LINGO2: variants seen among roughly 807,000 people sequenced by gnomAD.
LINGO2 encodes the protein leucine-rich repeat and immunoglobulin-like domain-containing nogo receptor-interacting protein 2.
A neutral mutation model predicts 30.6 loss-of-function variants in LINGO2; 14 were observed. That is an observed-to-expected ratio of 0.46 (90% CI 0.30 to 0.72). The LOEUF (loss-of-function observed/expected upper bound fraction) is 0.72. Among genes scored for constraint, LINGO2 ranks in the 30% least tolerant of loss-of-function variants. LINGO2 has a pLI of 0.07. For missense variants in LINGO2, 729 were observed against 751.7 expected, an observed-to-expected ratio of 0.97 and a Z score of 0.35; for synonymous variants, 317 against 288.5, an observed-to-expected ratio of 1.10 and a Z score of -1.00.
chr9:28,547,569 A>C (rs910912789), intron 1 of LINGO2, among the ~76,000 whole-genome samples: 1 of 152,146 alleles, frequency 6.6e-6, no homozygotes, highest in Non-Finnish European at 1.5e-5. Context: ...TTTCGAAAGG[A>C]ACATATGTTA....
intron 4 of LINGO2, among the ~76,000 whole-genome samples, chr9:28,018,804 CAG>C (rs1192251891): frequency 1.3e-5 from 2 of 152,082 alleles, no homozygotes; most frequent in South Asian, 2.1e-4. Flanking sequence ...GAGCTTAAAA[CAG>C]AATTACCATT....
At chr9:28,117,962 G>C (rs1295603073) in intron 4 of LINGO2, among the ~76,000 whole-genome samples, 1 of 152,126 alleles carries the variant, frequency 6.6e-6, no homozygotes, top group African/African-American at 2.4e-5. Context: ...CCAGAGATAG[G>C]AATGTAAATT....
At chr9:28,964,071 A>C in the LINGO2 span, among the ~76,000 whole-genome samples, 1 of 151,870 alleles carries the variant, frequency 6.6e-6, no homozygotes, top group Admixed American at 6.6e-5. Context: ...ATATGTGTAC[A>C]CACATCCCCT....
In LINGO2 at chr9:28,250,464, C is replaced by T. The variant is rs149916764; in HGVS notation, c.-87+44744G>A. ...AGAAGCAGGCAATACAGGACATCAA[C>T]AGGTGCAGACAAAGAAGCCCGAACA... On this transcript the variant is annotated intron_variant, in intron 4 of 5. Coordinates refer to ENST00000379992, the Ensembl canonical transcript of LINGO2. 1.7e-3 allele frequency among the ~76,000 whole-genome samples: 261 copies of T among 152,242 alleles called. 3 individuals carry two copies. In the East Asian group the frequency reaches 0.028, roughly 16 times the overall value.
In LINGO2 at chr9:28,199,027, A is replaced by G. The variant is rs557026624; in HGVS notation, c.-87+96181T>C. 4.0e-5 allele frequency among the ~76,000 whole-genome samples: 6 copies of G among 151,894 alleles called. No homozygotes were observed. The South Asian group carries it at 1.0e-3, about 26-fold the overall frequency. On this transcript the variant is annotated intron_variant, in intron 4 of 5. Transcript: ENST00000379992. ...ATGTTATTACGAAGATTTCCTAGAT[A>G]ATTTCTTTTCCATGTACATCTTGAA... is the stretch of plus-strand genomic sequence containing the variant.
the LINGO2 span, among the ~76,000 whole-genome samples, chr9:29,141,998 C>A: frequency 6.6e-6 from 1 of 151,542 alleles, no homozygotes; most frequent in Non-Finnish European, 1.5e-5. Flanking sequence ...AATAGAAAAA[C>A]CAGACAGAAA....
At chr9:29,172,235 T>A in the LINGO2 span, among the ~76,000 whole-genome samples, 1 of 151,886 alleles carries the variant, frequency 6.6e-6, no homozygotes, top group Non-Finnish European at 1.5e-5. Context: ...TAATAAAGGA[T>A]GATAGCCAGT....
the LINGO2 span, among the ~76,000 whole-genome samples, chr9:29,137,645 C>T: frequency 1.3e-5 from 2 of 152,098 alleles, no homozygotes; most frequent in Non-Finnish European, 2.9e-5. Context: ...GACTTAAGGG[C>T]ATGGGCTCAA....
the LINGO2 span, among the ~76,000 whole-genome samples, chr9:29,162,651 T>C: frequency 2.6e-5 from 4 of 152,142 alleles, no homozygotes; most frequent in Admixed American, 6.5e-5. Context: ...GGATGGTGTA[T>C]ATAAAAAAAG....
chr9:27,955,566 T>C lies in LINGO2; in HGVS notation c.-35-4860A>G, dbSNP rs183592734. On this transcript the variant is annotated intron_variant, in intron 5 of 5. Coordinates refer to ENST00000379992, the Ensembl canonical transcript of LINGO2. Reference sequence around the variant, plus strand: ...TTTATATCAATGAAATCATATAATATATACTCTTATGTCCAGCATCTTTCA... The same window carrying C: ...TTTATATCAATGAAATCATATAATACATACTCTTATGTCCAGCATCTTTCA... Among the ~76,000 whole-genome samples the C allele has an allele frequency of 3.9e-5, 6 of 152,344 alleles. 1 individual carries two copies. In the South Asian group the frequency reaches 1.0e-3, roughly 26 times the overall value.
chr9:28,102,074 C>G (rs1452359), intron 4 of LINGO2, among the ~76,000 whole-genome samples: 149,028 of 152,086 alleles, frequency 0.98, 73,090 homozygotes, highest in East Asian at 1. Flanking sequence ...ATGCTTTGTT[C>G]GGCTGCCACA....
intron 1 of LINGO2, among the ~76,000 whole-genome samples, chr9:28,575,638 G>A (rs1823936732): frequency 6.6e-6 from 1 of 151,864 alleles, no homozygotes; most frequent in East Asian, 1.9e-4. Context: ...CCAGACCTCA[G>A]CAATATACAA....
At chr9:28,457,868 T>A (rs1249313779) in intron 2 of LINGO2, among the ~76,000 whole-genome samples, 1 of 152,140 alleles carries the variant, frequency 6.6e-6, no homozygotes, top group African/African-American at 2.4e-5. Context: ...TCCCCTCATA[T>A]AAAAAGTTAC....
At chr9:28,237,352 A>C (rs766552145) in intron 4 of LINGO2, among the ~76,000 whole-genome samples, 16 of 152,098 alleles carry the variant, frequency 1.1e-4, no homozygotes, top group Non-Finnish European at 2.1e-4. Context: ...CATTTATTAA[A>C]AGAAAGATGG....
chr9:28,778,023 G>A, the LINGO2 span, among the ~76,000 whole-genome samples: 23 of 152,144 alleles, frequency 1.5e-4, no homozygotes, highest in African/African-American at 4.8e-4. Context: ...TAGTCCATGT[G>A]GGTCTTTCTG....
At chr9:28,948,518 C>T in the LINGO2 span, among the ~76,000 whole-genome samples, 2 of 152,028 alleles carry the variant, frequency 1.3e-5, no homozygotes, top group African/African-American at 4.8e-5. Context: ...CTGACTCTCG[C>T]TCTCACACAC....
At chr9:27,953,714 A>C (rs1819427145) in intron 5 of LINGO2, among the ~76,000 whole-genome samples, 1 of 151,970 alleles carries the variant, frequency 6.6e-6, no homozygotes, top group Admixed American at 6.6e-5. Context: ...AGGCCTCCCC[A>C]GCCATGCTGA....
the LINGO2 span, among the ~76,000 whole-genome samples, chr9:28,727,181 C>G: frequency 6.6e-6 from 1 of 152,122 alleles, no homozygotes; most frequent in Non-Finnish European, 1.5e-5. Context: ...AGACTCTTAA[C>G]CTTAGTTTTG....
At chr9:28,772,102 A>G in the LINGO2 span, among the ~76,000 whole-genome samples, 1 of 152,168 alleles carries the variant, frequency 6.6e-6, no homozygotes, top group Admixed American at 6.5e-5. Flanking sequence ...CCGAACATCT[A>G]GATATGAAGA....
Sources: gnomAD v4.1 joint callset for allele counts (sites outside exome capture counted in the v4.1 genomes callset) on GRCh38, gnomAD v4.1.1 for gene constraint, MANE v1.5 for transcripts, NCBI Gene and HGNC (gene_info 2026-07-23, HGNC 2026-07-21) for gene names.